Variants in XKRX observed in about 807,000 individuals in gnomAD.
XKRX encodes the protein XK-related protein 2.
XKRX carries 11 observed loss-of-function variants against 22.4 expected under a neutral mutation model. The observed-to-expected ratio is 0.49, with a 90% CI of 0.31 to 0.81. The LOEUF is 0.81. Among genes scored for constraint, XKRX ranks in the 40% least tolerant of loss-of-function variants. The pLI, the probability that XKRX is intolerant of heterozygous loss-of-function variation, is 0.05. For synonymous variants in XKRX, 114 were observed against 132.2 expected, an observed-to-expected ratio of 0.86 and a Z score of 0.94; for missense variants, 320 against 336.5, an observed-to-expected ratio of 0.95 and a Z score of 0.38.
At chrX:100,921,817 C>T (rs1184984692) in intron 2 of XKRX, among the ~76,000 whole-genome samples, 1 of 104,200 alleles carries the variant, frequency 9.6e-6, no homozygotes, top group Non-Finnish European at 1.9e-5. Context: ...TTAGTATTAA[C>T]CCCACGCTTT....
chrX:100,925,203 G>A (rs2085492916), intron 1 of XKRX, among the ~76,000 whole-genome samples: 1 of 112,177 alleles, frequency 8.9e-6, no homozygotes. Context: ...TTACATAAAT[G>A]TTCTGTTTCT....
chrX:100,917,622 AAG>A (rs1183741828), intron 2 of XKRX, among the ~76,000 whole-genome samples: 5 of 81,571 alleles, frequency 6.1e-5, no homozygotes, highest in African/African-American at 1.7e-4. Context: ...GAGAGAAAGA[AAG>A]AGAAAGAAAG....
intron 2 of XKRX, among the ~76,000 whole-genome samples, chrX:100,916,860 T>G (rs1344750403): frequency 8.9e-6 from 1 of 112,739 alleles, no homozygotes; most frequent in Non-Finnish European, 1.9e-5. Context: ...GACTCATGCC[T>G]GTAATCCCAG....
chrX:100,890,259 A>AT, the XKRX span, among the ~76,000 whole-genome samples: 18 of 110,698 alleles, frequency 1.6e-4, no homozygotes, highest in South Asian at 7.0e-3. Flanking sequence ...GGCGAGGGCC[A>AT]TAAGTCACCT....
the XKRX span, among the ~76,000 whole-genome samples, chrX:100,949,217 C>A: frequency 9.0e-6 from 1 of 111,451 alleles, no homozygotes; most frequent in African/African-American, 3.3e-5. Flanking sequence ...CCATTGGCAA[C>A]AAGATGGGGC....
intron 1 of XKRX, among the ~76,000 whole-genome samples, 199 bp downstream of exon 1, chrX:100,927,771 A>T (rs774215630): frequency 1.8e-4 from 20 of 112,427 alleles, no homozygotes; most frequent in Non-Finnish European, 9.4e-5. Context: ...TTGGAACACA[A>T]GTACATACCA....
At chrX:100,938,889 C>T in the XKRX span, among the ~76,000 whole-genome samples, 1 of 112,070 alleles carries the variant, frequency 8.9e-6, no homozygotes, top group Non-Finnish European at 1.9e-5. Flanking sequence ...TGTTGATAAT[C>T]ACCAAAGATG....
rs191638598 is a variant in XKRX, at chrX:100,914,923, G to C, written c.765C>G (p.Leu255=). ...IWRTLEITSR[L]LILVLFSATL... ...TGGCTGAGAAGAGCACCAGAATCAG[G>C]AGGCGGGAAGTGATCTCCAATGTCC... The change falls in exon 3 of 3, where the codon CTC becomes CTG. Residue 255 remains leucine (L), a synonymous_variant. Coordinates refer to ENST00000372956, the MANE Select transcript of XKRX (RefSeq NM_212559.3). 80 of 1,209,990 alleles carry C rather than the reference G, an allele frequency of 6.6e-5. No homozygotes were observed. In the East Asian group the frequency reaches 2.1e-3, roughly 31 times the overall value.
chrX:100,909,900 C>T (rs182843580), downstream of XKRX, among the ~76,000 whole-genome samples: 2,227 of 30,467 alleles, frequency 0.073, 46 homozygotes, highest in Middle Eastern at 0.17. Context: ...GAGACTCCAT[C>T]TCAAAAAAAA....
the XKRX span, among the ~76,000 whole-genome samples, chrX:100,950,914 T>C: frequency 2.0e-3 from 227 of 111,465 alleles, no homozygotes; most frequent in African/African-American, 7.2e-3. Context: ...ACAAAATTTA[T>C]AGGACTAAAC....
the XKRX span, among the ~76,000 whole-genome samples, chrX:100,897,577 T>C: frequency 1.4e-5 from 1 of 69,990 alleles, no homozygotes; most frequent in African/African-American, 5.7e-5. Flanking sequence ...AAAAAAAAAA[T>C]CCCACAAATA....
At chrX:100,946,528 G>A in the XKRX span, among the ~76,000 whole-genome samples, 3 of 111,889 alleles carry the variant, frequency 2.7e-5, no homozygotes, top group Non-Finnish European at 5.6e-5. Flanking sequence ...ATCTACAAAG[G>A]TGTGGGCAGG....
At chrX:100,944,138 T>A in the XKRX span, among the ~76,000 whole-genome samples, 1 of 112,037 alleles carries the variant, frequency 8.9e-6, no homozygotes, top group African/African-American at 3.2e-5. Flanking sequence ...TTCTGATGGG[T>A]GTGCAGTAGT....
chrX:100,948,275 A>C, the XKRX span, among the ~76,000 whole-genome samples: 22 of 111,748 alleles, frequency 2.0e-4, 1 homozygote, highest in African/African-American at 6.5e-4. Flanking sequence ...GTAAGTAACA[A>C]AATAGCATAA....
chrX:100,950,570 A>G, the XKRX span, among the ~76,000 whole-genome samples: 1 of 112,433 alleles, frequency 8.9e-6, no homozygotes, highest in African/African-American at 3.2e-5. Context: ...TCACCCACCA[A>G]CAGCAGAGCA....
intron 1 of XKRX, among the ~76,000 whole-genome samples, chrX:100,923,622 G>A (rs2085484507): frequency 9.0e-6 from 1 of 111,514 alleles, no homozygotes; most frequent in Non-Finnish European, 1.9e-5. Context: ...GAGGACTCGA[G>A]GAATTGTTTT....
the XKRX span, among the ~76,000 whole-genome samples, chrX:100,950,956 G>A: frequency 9.0e-6 from 1 of 111,342 alleles, no homozygotes; most frequent in African/African-American, 3.3e-5. Flanking sequence ...GACAGGGCTG[G>A]GTGCGGGGGC....
At chrX:100,942,346 AAC>A in the XKRX span, among the ~76,000 whole-genome samples, 1 of 111,716 alleles carries the variant, frequency 9.0e-6, no homozygotes, top group African/African-American at 3.3e-5. Context: ...GAACAGAAAC[AAC>A]ACATTCAAGA....
At chrX:100,957,458 G>A in the XKRX span, 1 of 1,190,601 alleles carries the variant, frequency 8.4e-7, no homozygotes, top group Non-Finnish European at 1.1e-6. Context: ...GCTCCCACCT[G>A]GGAATGCTGG....
Sources: allele counts gnomAD v4.1 joint callset (sites outside exome capture counted in the v4.1 genomes callset), GRCh38; gene constraint gnomAD v4.1.1; transcripts MANE v1.5; gene names NCBI Gene and HGNC (gene_info 2026-07-23, HGNC 2026-07-21).